Variants in ITGAE observed in about 807,000 individuals in gnomAD.
The protein encoded by ITGAE is integrin subunit alpha E, also known as integrin alpha-E.
A neutral mutation model predicts 136.5 loss-of-function variants in ITGAE; 99 were observed. The ratio of observed to expected loss-of-function variants is 0.73; its 90% confidence interval spans 0.62 to 0.86. The LOEUF (loss-of-function observed/expected upper bound fraction) is 0.86. ITGAE is among the 40% of genes least tolerant of loss of function. The probability of loss-of-function intolerance (pLI) is 0.00; values close to 1 mark genes in which losing one functional copy is unlikely to be tolerated. For missense variants in ITGAE, 1,447 were observed against 1,515.3 expected (o/e 0.95, Z 0.75); for synonymous variants, 613 against 591.8 (o/e 1.04, Z -0.52).
intron 16 of ITGAE, among the ~76,000 whole-genome samples, chr17:3,749,805 C>A (rs1249017145): frequency 1.3e-5 from 2 of 152,000 alleles, no homozygotes; most frequent in Non-Finnish European, 2.9e-5. Flanking sequence ...ATCACGAGGT[C>A]AGGAGTTCAA....
intron 19 of ITGAE, among the ~76,000 whole-genome samples, chr17:3,742,163 T>A (rs537292199): frequency 5.6e-4 from 85 of 152,314 alleles, no homozygotes; most frequent in African/African-American, 2.0e-3. Context: ...AGGACTGGCC[T>A]GTACCCTTCA....
At chr17:3,716,544 G>T in intron 30 of ITGAE, 144 bp downstream of exon 30, 1 of 643,386 alleles carries the variant, frequency 1.6e-6, no homozygotes, top group East Asian at 2.5e-5. Context: ...TGTCTAAATG[G>T]GGGTGTGCAG....
chr17:3,774,954 T>A (rs1414341572), intron 2 of ITGAE, among the ~76,000 whole-genome samples: 1 of 152,082 alleles, frequency 6.6e-6, no homozygotes, highest in Non-Finnish European at 1.5e-5. Flanking sequence ...GCTTCTTTTT[T>A]TTTTGAGACA....
rs780349402 is a variant in ITGAE, at chr17:3,723,757, C to G, written c.3085-13G>C. ...ACACCGTGGAGGCCTGAAACGAGAG[C>G]CATGACCGCGACGCGCTGAACAAAC... On this transcript the variant is annotated splice_polypyrimidine_tract_variant and intron_variant, in intron 26 of 30. Coordinates refer to ENST00000263087, the MANE Select transcript of ITGAE (RefSeq NM_002208.5). The G allele has an allele frequency of 3.1e-6, 5 of 1,606,192 alleles. No homozygotes were observed. The South Asian group carries it at 4.4e-5, about 14-fold the overall frequency.
At chr17:3,796,873 A>G (rs941912131) in intron 1 of ITGAE, among the ~76,000 whole-genome samples, 2 of 152,126 alleles carry the variant, frequency 1.3e-5, no homozygotes, top group Non-Finnish European at 2.9e-5. Context: ...ATTTGCCCAC[A>G]CTGATACCAG....
intron 26 of ITGAE, chr17:3,725,117 A>T (rs774141649): frequency 6.2e-7 from 1 of 1,614,068 alleles, no homozygotes; most frequent in Non-Finnish European, 8.5e-7. Context: ...ACAAGAAGAA[A>T]ATTGTGACTG....
At chr17:3,752,753 A>G (rs1164449062) in intron 14 of ITGAE, among the ~76,000 whole-genome samples, 2 of 133,430 alleles carry the variant, frequency 1.5e-5, no homozygotes, top group Non-Finnish European at 1.6e-5. Context: ...TCAGTCTCGG[A>G]AAAAAAAAAA....
intron 1 of ITGAE, among the ~76,000 whole-genome samples, chr17:3,786,695 T>G (rs1567558280): frequency 6.6e-6 from 1 of 151,926 alleles, no homozygotes; most frequent in Non-Finnish European, 1.5e-5. Context: ...ATTGAGACTA[T>G]CCTGGCCAAC....
intron 26 of ITGAE, chr17:3,725,524 A>G: frequency 1.2e-6 from 2 of 1,614,222 alleles, no homozygotes; most frequent in Non-Finnish European, 8.5e-7. Flanking sequence ...AAAACCTTTG[A>G]GGAAATCCTG....
intron 26 of ITGAE, chr17:3,725,737 T>A: frequency 6.3e-7 from 1 of 1,580,780 alleles, no homozygotes. Context: ...CAGCTCTTCA[T>A]TGTGCTGGAA....
intron 22 of ITGAE, among the ~76,000 whole-genome samples, 178 bp downstream of exon 22, chr17:3,732,190 C>T (rs955420453): frequency 6.6e-6 from 1 of 152,186 alleles, no homozygotes; most frequent in Middle Eastern, 3.2e-3. Flanking sequence ...TACTGGAAAG[C>T]TCTCGTCCCC....
chr17:3,800,206 C>T (rs1016470187), intron 1 of ITGAE, among the ~76,000 whole-genome samples: 1 of 152,222 alleles, frequency 6.6e-6, no homozygotes, highest in African/African-American at 2.4e-5. Context: ...TTGTGGCCTG[C>T]TTCCTGGGTG....
chr17:3,800,455 G>A (rs556627947), intron 1 of ITGAE, among the ~76,000 whole-genome samples: 34 of 152,334 alleles, frequency 2.2e-4, no homozygotes, highest in Middle Eastern at 3.4e-3. Context: ...TCACCTGACC[G>A]TGCTGTCTCA....
chr17:3,728,273 G>A (rs1319504209), intron 24 of ITGAE, 105 bp from the exon 25 acceptor site: 3 of 886,206 alleles, frequency 3.4e-6, no homozygotes, highest in Non-Finnish European at 5.7e-6. Context: ...GAACAATCAT[G>A]GCTCAGTGTA....
At chr17:3,764,043 A>C (rs1407090448) in intron 2 of ITGAE, 83 bp from the exon 3 acceptor site, 1 of 954,894 alleles carries the variant, frequency 1.0e-6, no homozygotes, top group African/African-American at 1.6e-5. Context: ...TTCCCATTCC[A>C]GTTGCCTGCA....
chr17:3,735,333 A>G (rs1430466233), intron 20 of ITGAE, among the ~76,000 whole-genome samples: 7 of 151,938 alleles, frequency 4.6e-5, no homozygotes. Context: ...ATGCCTGGCT[A>G]ATTTTGTATT....
At position 3,724,681 on chromosome 17, in the gene ITGAE, T is replaced by C. The variant is rs201618717; in HGVS notation, c.3085-937A>G. 5.6e-6 allele frequency: 9 copies of C among 1,614,230 alleles called. No homozygotes were observed. In the East Asian group the frequency reaches 2.0e-4, roughly 36 times the overall value. On this transcript the variant is annotated intron_variant, in intron 26 of 30. Transcript: ENST00000263087. ...CTCAGGTCAGTTCTCTTTGGCCTTA[T>C]GAACTCAGGAACCCCTGAGGATTCT...
Position 3,747,990 on chromosome 17 carries a change from C to T in ITGAE, c.2087G>A (p.Gly696Asp). ...MAFTPSALPI[G>D]FNGVVNVRLC... ...ACGGACATTCACGACGCCGTTGAAG[C>T]CGATGGGCAGTGCGCTGGGGGTGAA... Residue 696 changes from glycine (G) to aspartate (D), a missense_variant, in exon 17 of 31, where the codon GGC (glycine) becomes GAC (aspartate). This residue lies in a region of ITGAE where 1,031 missense variants were observed against 1,011.4 expected (regional missense o/e 1.02). Coordinates refer to ENST00000263087, the MANE Select transcript of ITGAE (RefSeq NM_002208.5). 1 of 1,613,494 alleles carries T rather than the reference C, an allele frequency of 6.2e-7. No homozygotes were observed. The highest frequency in any genetic ancestry group is 8.5e-7 in the Non-Finnish European group (1 of 1,179,642).
intron 2 of ITGAE, among the ~76,000 whole-genome samples, chr17:3,769,569 C>T (rs1390069032): frequency 2.0e-5 from 3 of 152,248 alleles, no homozygotes; most frequent in Non-Finnish European, 4.4e-5. Flanking sequence ...CCAGCTCTGA[C>T]AGAGGACTGG....
Sources: gnomAD v4.1 joint callset for allele counts (sites outside exome capture counted in the v4.1 genomes callset) on GRCh38, gnomAD v4.1.1 for gene constraint, gnomAD v4.1.1 regional missense constraint, MANE v1.5 for transcripts, NCBI Gene and HGNC (gene_info 2026-07-23, HGNC 2026-07-21) for gene names.